Variants in PAK3 observed in about 807,000 individuals in gnomAD.
PAK3 encodes the protein serine/threonine-protein kinase PAK 3.
Under a neutral mutation model 41.0 loss-of-function variants are expected in PAK3, and 4 were observed. The observed-to-expected ratio is 0.10, with a 90% CI of 0.05 to 0.22. The LOEUF (loss-of-function observed/expected upper bound fraction) is 0.22. PAK3 is among the 10% of genes least tolerant of loss of function. The probability of loss-of-function intolerance (pLI) is 1.00; values close to 1 mark genes in which losing one functional copy is unlikely to be tolerated. For missense variants in PAK3, 205 were observed against 409.9 expected (o/e 0.50, Z 4.32); for synonymous variants, 146 against 139.6 (o/e 1.05, Z -0.32).
rs760899925 is a variant in PAK3 at position 111,150,758 on chromosome X, T to C, written c.431-1652T>C. On this transcript the variant is annotated intron_variant, in intron 7 of 17. Coordinates refer to ENST00000372007, the MANE Select transcript of PAK3 (RefSeq NM_002578.5). ...TGGGTGGGGACACAGGCAAACCATA[T>C]CTGCAACTGAAATATATATACCAAA... Among the ~76,000 whole-genome samples, 4 of 111,797 alleles carry C rather than the reference T, an allele frequency of 3.6e-5. No individual in the cohort carries two copies. In the South Asian group the frequency reaches 1.5e-3, roughly 43 times the overall value.
intron 1 of PAK3, among the ~76,000 whole-genome samples, chrX:110,971,061 G>T (rs1438230899): frequency 1.8e-5 from 2 of 112,217 alleles, no homozygotes; most frequent in Non-Finnish European, 3.8e-5. Context: ...TGTGATGTTA[G>T]GTTTAGCTTT....
chrX:111,216,484 G>C lies in PAK3; in HGVS notation c.1471G>C (p.Val491Leu). The change falls in exon 17 of 18, where the codon GTA becomes CTA. Residue 491 changes from valine (V) to leucine (L), a missense_variant. Transcript: ENST00000372007. ...ELQNPERLSA[V>L]FRDFLNRCLE... The stretch of plus-strand genomic sequence containing the variant: ...CCAGAATCCTGAGAGACTGTCAGCT[G>C]TATTCCGTGACTTTTTAAATCGCTG... 1 of 1,186,216 alleles carries C rather than the reference G, an allele frequency of 8.4e-7. No homozygotes were observed. The highest frequency in any genetic ancestry group is 1.1e-6 in the Non-Finnish European group (1 of 872,048).
chrX:111,033,632 TG>T (rs1229342552), intron 1 of PAK3, among the ~76,000 whole-genome samples: 1 of 112,149 alleles, frequency 8.9e-6, no homozygotes, highest in Non-Finnish European at 1.9e-5. Flanking sequence ...CAGGAAAGGC[TG>T]GGGTGTCTGC....
intron 4 of PAK3, among the ~76,000 whole-genome samples, chrX:111,113,600 A>G (rs1231160037): frequency 9.0e-6 from 1 of 111,154 alleles, no homozygotes; most frequent in Non-Finnish European, 1.9e-5. Flanking sequence ...TTGTAGTTCT[A>G]TTTTTGTCTG....
At chrX:110,961,423 A>T (rs1366896207) in intron 1 of PAK3, among the ~76,000 whole-genome samples, 1 of 111,461 alleles carries the variant, frequency 9.0e-6, no homozygotes, top group African/African-American at 3.3e-5. Context: ...CTCCTAGAAG[A>T]TGACTTCTTT....
chrX:111,156,439 C>T (rs920671129), intron 8 of PAK3, among the ~76,000 whole-genome samples: 5 of 111,669 alleles, frequency 4.5e-5, no homozygotes, highest in Non-Finnish European at 9.4e-5. Flanking sequence ...CTGAATTGGA[C>T]CCCGACATTC....
chrX:111,070,602 T>C (rs369782759), intron 1 of PAK3, among the ~76,000 whole-genome samples: 1 of 112,118 alleles, frequency 8.9e-6, no homozygotes, highest in East Asian at 2.8e-4. Flanking sequence ...TTATACTTCA[T>C]GAATAGCTCT....
chrX:111,055,172 C>T (rs771438091), intron 1 of PAK3, among the ~76,000 whole-genome samples: 4 of 112,032 alleles, frequency 3.6e-5, no homozygotes, highest in Non-Finnish European at 7.5e-5. Flanking sequence ...TAGGCAGCAC[C>T]TCAGCTGAGC....
intron 11 of PAK3, among the ~76,000 whole-genome samples, chrX:111,183,470 C>G (rs1485523982): frequency 9.0e-6 from 1 of 111,514 alleles, no homozygotes. Flanking sequence ...ATTCTTATTC[C>G]TACCAGATTC....
In PAK3 at chrX:110,948,773, C is replaced by A. The variant is rs1346128185; in HGVS notation, c.-28+4145C>A. Among the ~76,000 whole-genome samples the A allele has an allele frequency of 7.2e-5, 8 of 111,730 alleles. No individual in the cohort carries two copies. In the East Asian group the frequency reaches 2.3e-3, roughly 32 times the overall value. ...CTATACTCAGATTAGCTCTTCTCTG[C>A]ATGAAAGCAGCAAGCTTCAGTTGTA... On this transcript the variant is annotated intron_variant, in intron 1 of 14. Transcript: ENST00000425146.
intron 7 of PAK3, 32 bp from the exon 8 acceptor site, chrX:111,152,378 A>C: frequency 9.4e-7 from 1 of 1,068,643 alleles, no homozygotes. Context: ...TCTTTATGAA[A>C]CAAAAATGAC....
At chrX:111,147,674 G>A (rs2093966965) in intron 6 of PAK3, 63 bp from the exon 7 acceptor site, 2 of 828,883 alleles carry the variant, frequency 2.4e-6, no homozygotes, top group Non-Finnish European at 3.7e-6. Flanking sequence ...AACTTTACTG[G>A]AACATAAAAA....
At chrX:111,204,787 C>T (rs1351354813) in intron 16 of PAK3, among the ~76,000 whole-genome samples, 2 of 109,476 alleles carry the variant, frequency 1.8e-5, no homozygotes, top group African/African-American at 3.3e-5. Context: ...AGAGTTCTAA[C>T]ATTATCCCAA....
At chrX:111,017,223 G>T (rs1341832205) in intron 1 of PAK3, among the ~76,000 whole-genome samples, 2 of 110,193 alleles carry the variant, frequency 1.8e-5, no homozygotes, top group Non-Finnish European at 3.8e-5. Flanking sequence ...ATAAAGATTG[G>T]AACAGAGATA....
intron 14 of PAK3, 72 bp downstream of exon 14, chrX:111,194,490 ATGTTTGTATC>A: frequency 1.6e-6 from 1 of 624,146 alleles, no homozygotes; most frequent in Non-Finnish European, 2.8e-6. Flanking sequence ...ATTATTCAGA[ATGTTTGTATC>A]ATCAAAGTAA....
intron 1 of PAK3, among the ~76,000 whole-genome samples, chrX:110,999,993 T>A (rs1041576947): frequency 1.4e-4 from 16 of 111,580 alleles, no homozygotes; most frequent in African/African-American, 3.6e-4. Context: ...AAAGTTTTTT[T>A]AAAAATCTTG....
chrX:111,102,536 G>C (rs1447313832), intron 3 of PAK3, among the ~76,000 whole-genome samples: 1 of 111,621 alleles, frequency 9.0e-6, no homozygotes, highest in East Asian at 2.8e-4. Flanking sequence ...TTAGTGAAAA[G>C]GGGAATGGAA....
At chrX:110,953,096 TG>T (rs2090779211) in intron 1 of PAK3, among the ~76,000 whole-genome samples, 1 of 112,394 alleles carries the variant, frequency 8.9e-6, no homozygotes, top group Non-Finnish European at 1.9e-5. Flanking sequence ...GAAATTGTCA[TG>T]TTTTTCTTTT....
At chrX:111,029,061 C>G (rs1206753939) in intron 1 of PAK3, among the ~76,000 whole-genome samples, 1 of 111,478 alleles carries the variant, frequency 9.0e-6, no homozygotes, top group Admixed American at 9.6e-5. Flanking sequence ...TGCTTGAGCC[C>G]AGGAGATGCA....
Sources: allele counts gnomAD v4.1 joint callset (sites outside exome capture counted in the v4.1 genomes callset), GRCh38; gene constraint gnomAD v4.1.1; transcripts MANE v1.5; gene names NCBI Gene and HGNC (gene_info 2026-07-23, HGNC 2026-07-21).